The following EPB41L4B variants were observed in gnomAD, a reference collection of about 807,000 sequenced individuals.
EPB41L4B encodes the protein erythrocyte membrane protein band 4.1 like 4B.
Under a neutral mutation model 112.5 loss-of-function variants are expected in EPB41L4B, and 30 were observed. The ratio of observed to expected loss-of-function variants is 0.27; its 90% CI spans 0.20 to 0.36. EPB41L4B has a LOEUF of 0.36. Among genes scored for constraint, EPB41L4B ranks in the 10% least tolerant of loss-of-function variants. The pLI is 1.00. For missense variants in EPB41L4B, 1,024 were observed against 1,133.3 expected, an observed-to-expected ratio of 0.90 and a Z score of 1.38; for synonymous variants, 408 against 439.7, an observed-to-expected ratio of 0.93 and a Z score of 0.90.
At chr9:109,300,638 T>C (rs555876895) in intron 1 of EPB41L4B, among the ~76,000 whole-genome samples, 1 of 151,956 alleles carries the variant, frequency 6.6e-6, no homozygotes, top group African/African-American at 2.4e-5. Flanking sequence ...ATATAAACAT[T>C]AGCCAGGCGT....
intron 19 of EPB41L4B, 98 bp from the exon 20 acceptor site, chr9:109,200,432 T>C (rs1832784270): frequency 1.3e-6 from 1 of 793,704 alleles, no homozygotes; most frequent in East Asian, 2.5e-5. Context: ...TACACCTTAA[T>C]AACATTGATA....
At chr9:109,200,485 C>G in intron 19 of EPB41L4B, 151 bp from the exon 20 acceptor site, 1 of 496,572 alleles carries the variant, frequency 2.0e-6, no homozygotes, top group East Asian at 3.0e-5. Flanking sequence ...GTACTTAGTT[C>G]ATAATTATAA....
chr9:109,200,133 G>T, intron 20 of EPB41L4B, 103 bp downstream of exon 20: 1 of 853,232 alleles, frequency 1.2e-6, no homozygotes. Context: ...TGGAATTTGG[G>T]GGCTGCTCCC....
chr9:109,267,198 G>A (rs971775332), intron 4 of EPB41L4B, among the ~76,000 whole-genome samples: 2 of 152,100 alleles, frequency 1.3e-5, no homozygotes, highest in Admixed American at 6.5e-5. Context: ...AAAATAAAAC[G>A]CCGCAGAGCA....
chr9:109,288,653 G>A (rs918201965), intron 1 of EPB41L4B, among the ~76,000 whole-genome samples: 1 of 144,724 alleles, frequency 6.9e-6, no homozygotes, highest in African/African-American at 2.6e-5. Flanking sequence ...AACCCAAAAG[G>A]CGGAGCTTGC....
rs140006859 is a variant in EPB41L4B at position 109,251,283 on chromosome 9, A to C, written c.1310+198T>G. Among the ~76,000 whole-genome samples the C allele has an allele frequency of 3.7e-3, 562 of 152,356 alleles. 3 individuals carry two copies. The highest frequency in any genetic ancestry group is 6.2e-3 in the Non-Finnish European group (421 of 68,034). ...ACAAAGCAGCTGTGTTTGCCAAAAA[A>C]ACCAAACTGTCTTGGAACATTATAT... is the stretch of plus-strand genomic sequence containing the variant. On this transcript the variant is annotated intron_variant, in intron 13 of 25. Transcript: ENST00000374566.
intron 15 of EPB41L4B, among the ~76,000 whole-genome samples, chr9:109,217,580 T>G (rs1163429169): frequency 6.6e-6 from 1 of 152,170 alleles, no homozygotes; most frequent in Non-Finnish European, 1.5e-5. Context: ...TGCTGCAACA[T>G]CTTTTTCTTG....
At chr9:109,311,193 T>C (rs1477958220) in intron 1 of EPB41L4B, among the ~76,000 whole-genome samples, 11 of 152,108 alleles carry the variant, frequency 7.2e-5, no homozygotes, top group Non-Finnish European at 1.5e-5. Flanking sequence ...AAATAGTAAA[T>C]TTTATGTTAT....
chr9:109,310,964 C>T (rs887322818), intron 1 of EPB41L4B, among the ~76,000 whole-genome samples: 1 of 152,114 alleles, frequency 6.6e-6, no homozygotes, highest in Non-Finnish European at 1.5e-5. Flanking sequence ...TAGGATTCCA[C>T]TTATATGGGG....
At chr9:109,305,832 C>T (rs1345828322) in intron 1 of EPB41L4B, among the ~76,000 whole-genome samples, 4 of 151,640 alleles carry the variant, frequency 2.6e-5, no homozygotes, top group Non-Finnish European at 4.4e-5. Context: ...GCTGAGGCAG[C>T]AGAATCGCTT....
At chr9:109,267,414 A>G in intron 4 of EPB41L4B, 59 bp downstream of exon 4, 5 of 1,090,722 alleles carry the variant, frequency 4.6e-6, no homozygotes, top group Non-Finnish European at 5.6e-6. Flanking sequence ...GAGAAGAGCC[A>G]TAAATGACAT....
chr9:109,210,456 G>A (rs1489580740), intron 17 of EPB41L4B, among the ~76,000 whole-genome samples: 1 of 152,206 alleles, frequency 6.6e-6, no homozygotes, highest in East Asian at 1.9e-4. Context: ...TGCTTAAGGG[G>A]AAGTAGTTAT....
chr9:109,268,456 C>T (rs764325750), intron 2 of EPB41L4B, 23 bp from the exon 3 acceptor site: 10 of 1,602,436 alleles, frequency 6.2e-6, no homozygotes, highest in Admixed American at 5.2e-5. Context: ...AAAAAAGTTT[C>T]TTTAGGAATA....
chr9:109,231,878 C>T (rs144078333), intron 15 of EPB41L4B, among the ~76,000 whole-genome samples: 27 of 152,110 alleles, frequency 1.8e-4, no homozygotes, highest in African/African-American at 6.0e-4. Context: ...TTGATTTTTG[C>T]TCAGAGGCTC....
At chr9:109,270,062 C>T (rs1201908986) in intron 2 of EPB41L4B, among the ~76,000 whole-genome samples, 1 of 151,306 alleles carries the variant, frequency 6.6e-6, no homozygotes, top group Non-Finnish European at 1.5e-5. Flanking sequence ...ATCTCAGACG[C>T]ACATGTGCAG....
chr9:109,320,067 GC>G, intron 1 of EPB41L4B, 73 bp downstream of exon 1: 1 of 1,255,584 alleles, frequency 8.0e-7, no homozygotes, highest in Non-Finnish European at 1.0e-6. Flanking sequence ...CGCCCCCGAT[GC>G]AAGCACTGGG....
chr9:109,280,815 A>G (rs1836005154), intron 1 of EPB41L4B, among the ~76,000 whole-genome samples: 1 of 152,110 alleles, frequency 6.6e-6, no homozygotes, highest in African/African-American at 2.4e-5. Flanking sequence ...GAAAAAAAAA[A>G]ACCCAACTCC....
intron 4 of EPB41L4B, among the ~76,000 whole-genome samples, chr9:109,265,993 G>A (rs73654237): frequency 0.015 from 2,291 of 152,298 alleles, 56 homozygotes; most frequent in African/African-American, 0.051. Context: ...GAGATCGGGC[G>A]TGCTGAAGGT....
intron 15 of EPB41L4B, among the ~76,000 whole-genome samples, chr9:109,224,487 T>G (rs1270646415): frequency 1.3e-5 from 2 of 152,038 alleles, no homozygotes; most frequent in African/African-American, 4.8e-5. Context: ...ACATCTAGAA[T>G]AGGCAAATCC....
Sources: allele counts gnomAD v4.1 joint callset (sites outside exome capture counted in the v4.1 genomes callset), GRCh38; gene constraint gnomAD v4.1.1; transcripts MANE v1.5; gene names NCBI Gene and HGNC (gene_info 2026-07-23, HGNC 2026-07-21).